DHODH: variants seen among roughly 807,000 people sequenced by gnomAD.
DHODH encodes the protein dihydroorotate dehydrogenase (quinone), mitochondrial.
Under a neutral mutation model 39.7 loss-of-function variants are expected in DHODH, and 30 were observed. That is an observed-to-expected ratio of 0.76 (90% confidence interval 0.57 to 1.02). The LOEUF (loss-of-function observed/expected upper bound fraction) is 1.02, where lower values mean the gene tolerates loss of function less well. Ranked by LOEUF, DHODH falls within the 50% of genes least tolerant of loss-of-function variation. DHODH has a pLI of 0.00. For missense variants in DHODH, 531 were observed against 520.8 expected (o/e 1.02, Z -0.19); for synonymous variants, 222 against 213.8 (o/e 1.04, Z -0.34).
chr16:72,022,224 T>A (rs1016566818), intron 5 of DHODH, 138 bp from the exon 6 acceptor site: 47 of 691,884 alleles, frequency 6.8e-5, no homozygotes, highest in Non-Finnish European at 1.1e-4. Context: ...GTCTGAGGGC[T>A]GGCTTTCCTG....
At position 72,023,299 on chromosome 16, in the gene DHODH, G is replaced by A. The variant is rs2041242320; in HGVS notation, c.954G>A (p.Glu318=). The A allele has an allele frequency of 1.2e-6, 2 of 1,614,214 alleles. No individual in the cohort carries two copies. Among genetic ancestry groups the A allele is most frequent in the African/African-American group, 2.7e-5 (2 of 75,066 alleles). ...LRDLSTQTIR[E]MYALTQGRVP... ...ATTTATCAACTCAAACCATTCGGGA[G>A]ATGTATGCACTCACCCAAGGCAAGG... Residue 318 remains glutamate (E), a synonymous_variant, in exon 7 of 9, where the codon GAG becomes GAA. Coordinates refer to ENST00000219240, the MANE Select transcript of DHODH (RefSeq NM_001361.5).
intron 3 of DHODH, among the ~76,000 whole-genome samples, chr16:72,015,180 AC>A (rs1225656598): frequency 6.6e-6 from 1 of 152,246 alleles, no homozygotes; most frequent in Non-Finnish European, 1.5e-5. Flanking sequence ...TATTTAAAAC[AC>A]CATAAAAAGT....
At chr16:72,015,381 T>C (rs1203701972) in intron 3 of DHODH, among the ~76,000 whole-genome samples, 3 of 152,250 alleles carry the variant, frequency 2.0e-5, no homozygotes, top group Non-Finnish European at 4.4e-5. Flanking sequence ...ATATTCAACA[T>C]GCACAGCTGC....
At chr16:72,016,913 A>G (rs2041147462) in intron 3 of DHODH, 111 bp from the exon 4 acceptor site, 6 of 976,660 alleles carry the variant, frequency 6.1e-6, no homozygotes, top group Non-Finnish European at 8.1e-6. Context: ...CTGGAAGTGT[A>G]AGAACTGACT....
chr16:72,022,264 C>T (rs1029017944), intron 5 of DHODH, 98 bp from the exon 6 acceptor site: 11 of 843,798 alleles, frequency 1.3e-5, no homozygotes, highest in East Asian at 2.7e-5. Flanking sequence ...TTAGTTTGAT[C>T]GCTATTGTGG....
rs1435181381 is a variant in DHODH, at chr16:72,012,105, C to G, written c.77C>G (p.Ser26Cys). Reference sequence around the variant, plus strand: ...GGGGGAGGAGGACTTCTCTTCGCCTCCTACCTGATGGCCACGGGAGATGAG... The same window carrying G: ...GGGGGAGGAGGACTTCTCTTCGCCTGCTACCTGATGGCCACGGGAGATGAG... ...ILGGGGLLFA[S>C]YLMATGDERF... Residue 26 changes from serine to cysteine, a missense_variant, in exon 2 of 9, where the codon TCC becomes TGC. Coordinates refer to ENST00000219240, the MANE Select transcript of DHODH (RefSeq NM_001361.5). The G allele has an allele frequency of 1.2e-6, 2 of 1,614,192 alleles. No homozygotes were observed. Among genetic ancestry groups the G allele is most frequent in the East Asian group, 4.5e-5 (2 of 44,878 alleles).
chr16:72,009,789 A>G (rs2041063578), intron 1 of DHODH, among the ~76,000 whole-genome samples: 1 of 151,926 alleles, frequency 6.6e-6, no homozygotes, highest in East Asian at 2.0e-4. Flanking sequence ...TAATTTTGGT[A>G]TTTTTAGTAG....
intron 2 of DHODH, 23 bp downstream of exon 2, chr16:72,012,285 A>G: frequency 6.2e-7 from 1 of 1,607,394 alleles, no homozygotes; most frequent in Non-Finnish European, 8.5e-7. Flanking sequence ...GACACCCTAT[A>G]CATTAAATAC....
intron 2 of DHODH, among the ~76,000 whole-genome samples, chr16:72,012,514 C>T (rs2041095979): frequency 1.3e-5 from 2 of 152,192 alleles, no homozygotes; most frequent in South Asian, 4.1e-4. Context: ...ATCCTGTTAC[C>T]ATCCCCAGCC....
intron 2 of DHODH, among the ~76,000 whole-genome samples, 159 bp downstream of exon 2, chr16:72,012,421 A>G (rs2041094661): frequency 6.6e-6 from 1 of 152,210 alleles, no homozygotes; most frequent in Admixed American, 6.5e-5. Context: ...TCATGTAATT[A>G]GCAACGATGA....
chr16:72,012,938 G>A (rs991106962), intron 2 of DHODH, among the ~76,000 whole-genome samples: 2 of 152,166 alleles, frequency 1.3e-5, no homozygotes, highest in African/African-American at 2.4e-5. Context: ...TGACCTTCCG[G>A]GCTTAGTGCA....
rs1401438748 is a variant in DHODH at position 72,021,259 on chromosome 16, C to G, written c.653C>G (p.Ala218Gly). 2 of 1,612,656 alleles carry G rather than the reference C, an allele frequency of 1.2e-6. No homozygotes were observed. The highest frequency in any genetic ancestry group is 2.2e-5 in the South Asian group (2 of 90,750). Reference protein sequence around the residue: ...LVVNVSSPNTAGLRSLQGKAE... With the variant: ...LVVNVSSPNTGGLRSLQGKAE... ...GTGAATGTGTCCAGCCCCAACACTG[C>G]CGGGCTGCGGAGCCTTCAGGGAAAG... Residue 218 changes from alanine (A) to glycine (G), a missense_variant, in exon 5 of 9, where the codon GCC becomes GGC. Ala to Gly is a moderately conservative substitution (Grantham distance 60, BLOSUM62 0). Coordinates refer to ENST00000219240, the MANE Select transcript of DHODH (RefSeq NM_001361.5).
At position 72,012,240 on chromosome 16, in the gene DHODH, G is replaced by C. The variant is rs1412703499; in HGVS notation, c.212G>C (p.Arg71Thr). 1.4e-5 allele frequency: 22 copies of C among 1,613,994 alleles called. No individual in the cohort carries two copies. Among genetic ancestry groups the C allele is most frequent in the Non-Finnish European group, 1.9e-5 (22 of 1,180,018 alleles). The change falls in exon 2 of 9, where the codon AGA (arginine) becomes ACA (threonine). Residue 71 changes from arginine (R) to threonine (T), a missense_variant. Coordinates refer to ENST00000219240, the MANE Select transcript of DHODH (RefSeq NM_001361.5). ...TCCCTGGGGCTCCTTCCACGGGCCA[G>C]ATTTCAAGACTCTGACATGCTGGTA... ...FTSLGLLPRA[R>T]FQDSDMLEVR...
intron 4 of DHODH, chr16:72,020,355 G>GTATATATATATATATATATATA (rs1309420410): frequency 9.3e-6 from 1 of 107,530 alleles, no homozygotes; most frequent in African/African-American, 4.6e-5. Context: ...ATATATATAT[G>GTATATATATATATATATATATA]TGTATATATA....
rs751589844 is a variant in DHODH, at chr16:72,014,565, G to C, written c.327G>C (p.Lys109Asn). 6 of 1,614,176 alleles carry C rather than the reference G, an allele frequency of 3.7e-6. No individual in the cohort carries two copies. In the Admixed American group the frequency reaches 1.0e-4, roughly 27 times the overall value. ...KHGEAVDGLY[K>N]MGFGFVEIGS... Reference sequence around the variant, plus strand: ...GGGAAGCCGTGGACGGACTTTATAAGATGGGCTTTGGTTTTGTTGAGATAG... The same window carrying C: ...GGGAAGCCGTGGACGGACTTTATAACATGGGCTTTGGTTTTGTTGAGATAG... Residue 109 changes from lysine to asparagine, a missense_variant, in exon 3 of 9, where the codon AAG (lysine) becomes AAC (asparagine). Coordinates refer to ENST00000219240, the MANE Select transcript of DHODH (RefSeq NM_001361.5).
At chr16:72,015,333 C>T (rs1158079976) in intron 3 of DHODH, among the ~76,000 whole-genome samples, 3 of 152,366 alleles carry the variant, frequency 2.0e-5, no homozygotes, top group East Asian at 3.9e-4. Flanking sequence ...CTTGTATTGG[C>T]TAGCACAGCC....
chr16:72,020,058 A>ACC, intron 4 of DHODH, among the ~76,000 whole-genome samples: 1 of 151,866 alleles, frequency 6.6e-6, no homozygotes, highest in Non-Finnish European at 1.5e-5. Flanking sequence ...TGGGCAGATC[A>ACC]TGAGGTCTGG....
In DHODH at chr16:72,024,257, T is replaced by C. The variant is rs1331697526; in HGVS notation, c.*58T>C. The C allele has an allele frequency of 1.3e-6, 2 of 1,587,896 alleles. No homozygotes were observed. Among genetic ancestry groups the C allele is most frequent in the Non-Finnish European group, 8.6e-7 (1 of 1,157,032 alleles). On this transcript the variant is annotated 3_prime_UTR_variant, in exon 9 of 9. Coordinates refer to ENST00000219240, the MANE Select transcript of DHODH (RefSeq NM_001361.5). The stretch of plus-strand genomic sequence containing the variant: ...CCTTCCCAAGGACTCAGGCAAGCCT[T>C]TGTGGCTGGATCATGAGAGGAGGGA...
intron 1 of DHODH, among the ~76,000 whole-genome samples, chr16:72,010,541 G>A (rs1264842970): frequency 6.6e-6 from 1 of 152,110 alleles, no homozygotes; most frequent in Non-Finnish European, 1.5e-5. Context: ...ATGAGGGTAG[G>A]GGCAAGATCT....
Sources: gnomAD v4.1 joint callset for allele counts (sites outside exome capture counted in the v4.1 genomes callset) on GRCh38, gnomAD v4.1.1 for gene constraint, MANE v1.5 for transcripts, NCBI Gene and HGNC (gene_info 2026-07-23, HGNC 2026-07-21) for gene names.